RBFOX1: variants seen among roughly 807,000 people sequenced by gnomAD.
RBFOX1 encodes the protein RNA binding fox-1 homolog 1, also known as RNA binding protein fox-1 homolog 1.
Under a neutral mutation model 57.7 loss-of-function variants are expected in RBFOX1, and 8 were observed. The observed-to-expected ratio is 0.14, with a 90% CI of 0.08 to 0.25. RBFOX1 has a LOEUF of 0.25. Ranked by LOEUF, RBFOX1 falls within the 10% of genes least tolerant of loss-of-function variation. The pLI, the probability that RBFOX1 is intolerant of heterozygous loss-of-function variation, is 1.00. For synonymous variants in RBFOX1, 326 were observed against 222.4 expected, an observed-to-expected ratio of 1.47 and a Z score of -4.15; for missense variants, 611 against 548.5, an observed-to-expected ratio of 1.11 and a Z score of -1.14.
chr16:6,868,239 C>T (rs886596352), intron 3 of RBFOX1, among the ~76,000 whole-genome samples: 2 of 151,996 alleles, frequency 1.3e-5, no homozygotes, highest in Non-Finnish European at 2.9e-5. Context: ...AGAAATACTT[C>T]GTGGTCTGCA....
At chr16:6,978,965 A>T (rs1288438938) in intron 3 of RBFOX1, among the ~76,000 whole-genome samples, 2 of 152,214 alleles carry the variant, frequency 1.3e-5, no homozygotes, top group African/African-American at 4.8e-5. Context: ...CCAGGCTGCC[A>T]CCTGTGCTAA....
intron 4 of RBFOX1, among the ~76,000 whole-genome samples, chr16:7,339,434 G>C (rs2096851829): frequency 6.6e-6 from 1 of 152,176 alleles, no homozygotes; most frequent in Non-Finnish European, 1.5e-5. Context: ...AGAGAGGAAA[G>C]ATATTTATGT....
At chr16:7,452,953 A>C (rs983072042) in intron 4 of RBFOX1, among the ~76,000 whole-genome samples, 7 of 152,024 alleles carry the variant, frequency 4.6e-5, no homozygotes, top group African/African-American at 1.7e-4. Flanking sequence ...ACATGGTGAA[A>C]AACCATCTCC....
rs1555545337 is a variant in RBFOX1 at position 6,193,379 on chromosome 16, T to TA, written c.-126-123616_-126-123615insA. Among the ~76,000 whole-genome samples the TA allele has an allele frequency of 6.0e-3, 379 of 63,094 alleles. 14 individuals carry two copies. Among genetic ancestry groups the TA allele is most frequent in the African/African-American group, 0.011 (223 of 19,452 alleles). The allele number at this position is 63,094 out of a possible 152,430, so 41.4% of individuals were successfully genotyped here. ...CATTATATATATATATATATATACATTATATATATATACTATATATATATA... is the reference window on the plus strand; with the variant it reads ...CATTATATATATATATATATATACATATATATATATATACTATATATATATA... On this transcript the variant is annotated intron_variant, in intron 1 of 15. Transcript: ENST00000550418.
At chr16:6,793,101 C>G (rs529346695) in intron 3 of RBFOX1, among the ~76,000 whole-genome samples, 1 of 151,612 alleles carries the variant, frequency 6.6e-6, no homozygotes, top group African/African-American at 2.4e-5. Flanking sequence ...CCAGATTGCA[C>G]AAAAGTTCAT....
intron 2 of RBFOX1, among the ~76,000 whole-genome samples, chr16:6,339,814 G>A (rs2084279151): frequency 6.6e-6 from 1 of 151,890 alleles, no homozygotes; most frequent in African/African-American, 2.4e-5. Flanking sequence ...GGGATTACAG[G>A]TGCCTGCCAC....
At chr16:6,803,695 G>C (rs554054822) in intron 3 of RBFOX1, among the ~76,000 whole-genome samples, 1 of 152,266 alleles carries the variant, frequency 6.6e-6, no homozygotes, top group African/African-American at 2.4e-5. Flanking sequence ...TATTTTACCA[G>C]ACAGAGAATA....
At chr16:6,589,464 C>T (rs765350301) in intron 2 of RBFOX1, among the ~76,000 whole-genome samples, 37 of 152,266 alleles carry the variant, frequency 2.4e-4, no homozygotes, top group Non-Finnish European at 4.6e-4. Flanking sequence ...GTCACTTCCT[C>T]GGTGGGGTCC....
At chr16:6,169,242 G>T (rs963150785) in intron 1 of RBFOX1, among the ~76,000 whole-genome samples, 2 of 151,822 alleles carry the variant, frequency 1.3e-5, no homozygotes, top group Non-Finnish European at 2.9e-5. Flanking sequence ...AGTAGAACTC[G>T]GCAAATGTGG....
intron 1 of RBFOX1, among the ~76,000 whole-genome samples, chr16:5,388,251 A>C (rs1292437731): frequency 6.6e-6 from 1 of 152,188 alleles, no homozygotes; most frequent in Non-Finnish European, 1.5e-5. Context: ...CCGTGCTTCT[A>C]GAACACATCT....
chr16:5,858,628 T>A (rs957898949), intron 3 of RBFOX1, among the ~76,000 whole-genome samples: 2 of 152,208 alleles, frequency 1.3e-5, no homozygotes, highest in African/African-American at 4.8e-5. Flanking sequence ...TTCAAGCAAG[T>A]GCATGTAAAT....
intron 3 of RBFOX1, among the ~76,000 whole-genome samples, chr16:6,917,218 T>C (rs2073393526): frequency 6.6e-6 from 1 of 152,190 alleles, no homozygotes; most frequent in Non-Finnish European, 1.5e-5. Context: ...ATAGAAAATC[T>C]CAGTGGCCAC....
chr16:7,706,840 T>G (rs2082611956), intron 14 of RBFOX1, among the ~76,000 whole-genome samples: 1 of 152,230 alleles, frequency 6.6e-6, no homozygotes, highest in Admixed American at 6.5e-5. Flanking sequence ...TGCCTGTTAC[T>G]ATGTACTTCT....
chr16:7,370,824 T>A (rs2097551603), intron 4 of RBFOX1, among the ~76,000 whole-genome samples: 1 of 152,244 alleles, frequency 6.6e-6, no homozygotes, highest in Non-Finnish European at 1.5e-5. Flanking sequence ...TTGTCCACAA[T>A]TAGTCTTTGG....
chr16:6,793,930 A>G (rs1454046729), intron 3 of RBFOX1, among the ~76,000 whole-genome samples: 1 of 152,136 alleles, frequency 6.6e-6, no homozygotes, highest in African/African-American at 2.4e-5. Flanking sequence ...CAGGGGAGTG[A>G]TCACATACTG....
intron 3 of RBFOX1, among the ~76,000 whole-genome samples, chr16:5,661,011 G>A (rs1464298430): frequency 6.6e-6 from 1 of 152,176 alleles, no homozygotes; most frequent in East Asian, 1.9e-4. Flanking sequence ...CCTAAGCTTT[G>A]CTGTGCTGGG....
chr16:6,000,464 G>C (rs901726659), intron 4 of RBFOX1, among the ~76,000 whole-genome samples: 3 of 152,124 alleles, frequency 2.0e-5, no homozygotes, highest in African/African-American at 7.2e-5. Flanking sequence ...AACACATCTG[G>C]AGAGTATAAA....
intron 3 of RBFOX1, among the ~76,000 whole-genome samples, chr16:6,898,935 G>T (rs1013957757): frequency 6.6e-6 from 1 of 151,478 alleles, no homozygotes; most frequent in Non-Finnish European, 1.5e-5. Context: ...ATGTGTGTAT[G>T]TGTGTATATG....
chr16:7,465,582 A>G (rs959475097), intron 4 of RBFOX1, among the ~76,000 whole-genome samples: 25 of 152,216 alleles, frequency 1.6e-4, no homozygotes, highest in African/African-American at 6.0e-4. Context: ...CAAAGTTAAT[A>G]GTGGTGGTAA....
Sources: allele counts gnomAD v4.1 joint callset (sites outside exome capture counted in the v4.1 genomes callset), GRCh38; gene constraint gnomAD v4.1.1; transcripts MANE v1.5; gene names NCBI Gene and HGNC (gene_info 2026-07-23, HGNC 2026-07-21).